SSBP2: variants seen among roughly 807,000 people sequenced by gnomAD.
The protein encoded by SSBP2 is single stranded DNA binding protein 2.
A neutral mutation model predicts 61.8 loss-of-function variants in SSBP2; 17 were observed. The ratio of observed to expected loss-of-function variants is 0.28; its 90% CI spans 0.19 to 0.41. The LOEUF (loss-of-function observed/expected upper bound fraction) is 0.41, where lower values mean the gene tolerates loss of function less well. Ranked by LOEUF, SSBP2 falls within the 10% of genes least tolerant of loss-of-function variation. The pLI, the probability that SSBP2 is intolerant of heterozygous loss-of-function variation, is 1.00. For missense variants in SSBP2, 310 were observed against 458.7 expected (o/e 0.68, Z 2.96); for synonymous variants, 139 against 141.3 (o/e 0.98, Z 0.12).
intron 4 of SSBP2, among the ~76,000 whole-genome samples, chr5:81,570,226 A>G (rs1244138453): frequency 2.6e-5 from 4 of 152,186 alleles, no homozygotes; most frequent in East Asian, 1.9e-4. Context: ...TCCCCCACAC[A>G]TATGTGGAAG....
chr5:81,564,492 C>T (rs906683363), intron 4 of SSBP2, among the ~76,000 whole-genome samples: 1 of 152,140 alleles, frequency 6.6e-6, no homozygotes, highest in Admixed American at 6.6e-5. Flanking sequence ...GTCTATTCTA[C>T]CCTTAACTAC....
At position 81,454,763 on chromosome 5, in the gene SSBP2, C is replaced by CAT. The variant is rs537748473; in HGVS notation, c.688-5940_688-5939dup. Among the ~76,000 whole-genome samples, 1,294 of 150,856 alleles carry CAT rather than the reference C, an allele frequency of 8.6e-3. 11 individuals carry two copies. Among genetic ancestry groups the CAT allele is most frequent in the African/African-American group, 0.018 (741 of 41,158 alleles). ...AAGGGTCAGAATTGAAAAGAAAATA[C>CAT]ATATATATATATATTTCTATTTCTG... On this transcript the variant is annotated intron_variant, in intron 10 of 16. Transcript: ENST00000320672.
At chr5:81,663,569 T>G (rs1433508657) in intron 1 of SSBP2, among the ~76,000 whole-genome samples, 1 of 152,178 alleles carries the variant, frequency 6.6e-6, no homozygotes, top group Non-Finnish European at 1.5e-5. Flanking sequence ...TAGACAACAT[T>G]TGATTATGCC....
intron 6 of SSBP2, among the ~76,000 whole-genome samples, chr5:81,489,033 C>T (rs140447955): frequency 1.3e-5 from 2 of 151,904 alleles, no homozygotes; most frequent in African/African-American, 4.8e-5. Flanking sequence ...ACAGACAATA[C>T]AGAAATAGAT....
intron 1 of SSBP2, among the ~76,000 whole-genome samples, chr5:81,664,819 C>T (rs550344348): frequency 1.3e-5 from 2 of 152,276 alleles, no homozygotes; most frequent in South Asian, 2.1e-4. Flanking sequence ...AAGCATCTTT[C>T]CTCCTTATTT....
At chr5:81,586,700 G>A (rs969641788) in intron 4 of SSBP2, among the ~76,000 whole-genome samples, 1 of 151,516 alleles carries the variant, frequency 6.6e-6, no homozygotes, top group Non-Finnish European at 1.5e-5. Context: ...ATGCAAGGCT[G>A]GTCTTTGGCT....
In SSBP2 at chr5:81,448,843, C is replaced by CA; in HGVS notation, c.688-19dup. The CA allele has an allele frequency of 1.2e-6, 2 of 1,606,420 alleles. No individual in the cohort carries two copies. The highest frequency in any genetic ancestry group is 1.7e-6 in the Non-Finnish European group (2 of 1,177,302). On this transcript the variant is annotated intron_variant, in intron 10 of 16. Transcript: ENST00000320672. ...TATGGTATCTGGAACACGAATAGGA[C>CA]AAAAAAATTTTTGATTCATGTAGCA... is the stretch of plus-strand genomic sequence containing the variant.
At chr5:81,578,776 CT>C (rs1364335098) in intron 4 of SSBP2, among the ~76,000 whole-genome samples, 11 of 151,686 alleles carry the variant, frequency 7.3e-5, no homozygotes, top group Admixed American at 2.6e-4. Context: ...TTCTATAGAT[CT>C]CTTCATTTTT....
chr5:81,556,247 C>T (rs1251415275), intron 4 of SSBP2, among the ~76,000 whole-genome samples: 1 of 152,084 alleles, frequency 6.6e-6, no homozygotes, highest in East Asian at 1.9e-4. Flanking sequence ...ATATCAAGGA[C>T]TATGTTCATT....
At chr5:81,715,207 A>C (rs969488599) in intron 1 of SSBP2, among the ~76,000 whole-genome samples, 5 of 152,120 alleles carry the variant, frequency 3.3e-5, no homozygotes, top group Admixed American at 6.6e-5. Flanking sequence ...AACTCAATAA[A>C]ATTGCCAGAA....
chr5:81,530,881 G>A (rs560381988), intron 4 of SSBP2, among the ~76,000 whole-genome samples: 98 of 152,078 alleles, frequency 6.4e-4, no homozygotes, highest in African/African-American at 2.2e-3. Context: ...ATTCAAAAAA[G>A]AATTTTGAGG....
chr5:81,567,758 C>T (rs1382732299), intron 4 of SSBP2, among the ~76,000 whole-genome samples: 1 of 152,188 alleles, frequency 6.6e-6, no homozygotes, highest in Non-Finnish European at 1.5e-5. Flanking sequence ...CATGGGAACC[C>T]ACCTCTTGCA....
At chr5:81,750,485 C>T (rs1235016304) in intron 1 of SSBP2, among the ~76,000 whole-genome samples, 1 of 145,680 alleles carries the variant, frequency 6.9e-6, no homozygotes, top group Non-Finnish European at 1.5e-5. Context: ...AGCCCCAGCG[C>T]CCAGGCCCCC....
chr5:81,457,371 GA>G (rs1764233126), intron 10 of SSBP2, among the ~76,000 whole-genome samples: 1 of 152,158 alleles, frequency 6.6e-6, no homozygotes, highest in Non-Finnish European at 1.5e-5. Flanking sequence ...AAACGGAGAA[GA>G]AAAGACAGAA....
intron 6 of SSBP2, among the ~76,000 whole-genome samples, chr5:81,488,064 A>ATATATATAG (rs1766564921): frequency 1.1e-5 from 1 of 94,440 alleles, no homozygotes; most frequent in Non-Finnish European, 2.6e-5. Context: ...TATATAAATA[A>ATATATATAG]AATATCATAT....
At chr5:81,666,089 T>C (rs772441795) in intron 1 of SSBP2, among the ~76,000 whole-genome samples, 9 of 152,212 alleles carry the variant, frequency 5.9e-5, no homozygotes, top group Non-Finnish European at 1.0e-4. Context: ...GAAATCTGTT[T>C]TTAACATTGT....
intron 12 of SSBP2, 32 bp downstream of exon 12, chr5:81,446,836 A>G (rs755953096): frequency 6.3e-7 from 1 of 1,588,802 alleles, no homozygotes; most frequent in Non-Finnish European, 8.6e-7. Context: ...TCTAATAATC[A>G]AATGCCCATG....
intron 3 of SSBP2, among the ~76,000 whole-genome samples, chr5:81,615,774 A>G (rs903115495): frequency 6.6e-6 from 1 of 152,266 alleles, no homozygotes; most frequent in Non-Finnish European, 1.5e-5. Context: ...ACTTTTATAA[A>G]AAAAAATTTA....
chr5:81,576,824 A>T (rs576830699), intron 4 of SSBP2, among the ~76,000 whole-genome samples: 7 of 152,234 alleles, frequency 4.6e-5, no homozygotes, highest in South Asian at 4.1e-4. Flanking sequence ...AGGGCAGAAG[A>T]AGTTCAGGGT....
Sources: gnomAD v4.1 joint callset for allele counts (sites outside exome capture counted in the v4.1 genomes callset) on GRCh38, gnomAD v4.1.1 for gene constraint, MANE v1.5 for transcripts, NCBI Gene and HGNC (gene_info 2026-07-23, HGNC 2026-07-21) for gene names.